The following CUL2 variants were observed in gnomAD, a reference collection of about 807,000 sequenced individuals.
The protein encoded by CUL2 is cullin-2.
CUL2 carries 22 observed loss-of-function variants against 110.2 expected under a neutral mutation model. The observed-to-expected ratio is 0.20, with a 90% CI of 0.14 to 0.28. The LOEUF is 0.28. CUL2 is among the 10% of genes least tolerant of loss of function. CUL2 has a pLI of 1.00. For synonymous variants in CUL2, 279 were observed against 293.2 expected, an observed-to-expected ratio of 0.95 and a Z score of 0.49; for missense variants, 631 against 905.5, an observed-to-expected ratio of 0.70 and a Z score of 3.89.
intron 1 of CUL2, among the ~76,000 whole-genome samples, chr10:35,113,788 C>T (rs542563541): frequency 1.0e-3 from 157 of 151,486 alleles, no homozygotes; most frequent in Non-Finnish European, 1.8e-3. Context: ...CTTGCTGCAA[C>T]CTCTCCCTCC....
intron 8 of CUL2, among the ~76,000 whole-genome samples, chr10:35,040,376 T>A (rs1275653013): frequency 1.3e-5 from 2 of 152,142 alleles, no homozygotes; most frequent in Non-Finnish European, 2.9e-5. Context: ...CACAGACAAA[T>A]GCACCGGCTT....
At chr10:35,073,609 CT>C (rs1233346098) in intron 1 of CUL2, among the ~76,000 whole-genome samples, 1,463 of 136,138 alleles carry the variant, frequency 0.011, 26 homozygotes, top group African/African-American at 0.034. Context: ...TTTTCTTTTT[CT>C]TTTTTTTTTT....
rs771512067 is a variant in CUL2, at chr10:35,031,466, T to G, written c.1299+25A>C. The G allele has an allele frequency of 6.2e-7, 1 of 1,604,024 alleles. No homozygotes were observed. Among genetic ancestry groups the G allele is most frequent in the Non-Finnish European group, 8.5e-7 (1 of 1,174,016 alleles). On this transcript the variant is annotated intron_variant, in intron 13 of 20. Transcript: ENST00000374749. This position sits in a 1 kb window ranked among gnomAD's most constrained non-coding sequence, Gnocchi z 4.4. ...GAAATAAAGTTGACCAAAATACAAATGAAACTTTTCTGTTCACAACATACC... is the reference window on the plus strand; with the variant it reads ...GAAATAAAGTTGACCAAAATACAAAGGAAACTTTTCTGTTCACAACATACC...
At chr10:35,106,550 TCTCAATCTCC>T (rs1299130947) in intron 1 of CUL2, among the ~76,000 whole-genome samples, 1 of 151,496 alleles carries the variant, frequency 6.6e-6, no homozygotes, top group Non-Finnish European at 1.5e-5. Flanking sequence ...GCCAGGATGG[TCTCAATCTCC>T]TGACCTCATG....
Position 35,010,163 on chromosome 10 carries a change from T to C in CUL2, c.*148A>G. 1 of 585,112 alleles carries C rather than the reference T, an allele frequency of 1.7e-6. No individual in the cohort carries two copies. Among genetic ancestry groups the C allele is most frequent in the Non-Finnish European group, 2.6e-6 (1 of 383,516 alleles). The allele number at this position is 585,112 out of a possible 1,614,324, so 36.2% of individuals were successfully genotyped here. On this transcript the variant is annotated 3_prime_UTR_variant, in exon 21 of 21. Transcript: ENST00000374749. The stretch of plus-strand genomic sequence containing the variant: ...CTCTAGGCATTTTCTTTGACGCTCA[T>C]GACGTGGCACTGGTGATGTTGTAAA...
intron 1 of CUL2, among the ~76,000 whole-genome samples, chr10:35,077,293 C>CAAA (rs757497334): frequency 8.4e-6 from 1 of 118,688 alleles, no homozygotes. Context: ...GACTCCGTCT[C>CAAA]AAAAAAAAAA....
intron 6 of CUL2, among the ~76,000 whole-genome samples, chr10:35,046,666 C>A (rs937195106): frequency 2.0e-5 from 3 of 151,974 alleles, no homozygotes; most frequent in Non-Finnish European, 2.9e-5. Context: ...CTGAGGTGGG[C>A]AGATCATCTG....
intron 1 of CUL2, among the ~76,000 whole-genome samples, chr10:35,075,193 C>T (rs987762362): frequency 6.6e-6 from 1 of 152,126 alleles, no homozygotes; most frequent in Non-Finnish European, 1.5e-5. Context: ...GAAGCACCAG[C>T]CTCGTGAAAC....
At chr10:35,115,375 CAT>C (rs771395498) in intron 1 of CUL2, among the ~76,000 whole-genome samples, 13 of 150,766 alleles carry the variant, frequency 8.6e-5, no homozygotes, top group Admixed American at 2.6e-4. Flanking sequence ...GCCTGGCAAA[CAT>C]AATGAAACCC....
chr10:35,125,977 C>T (rs930301002), intron 1 of CUL2, among the ~76,000 whole-genome samples: 4 of 152,262 alleles, frequency 2.6e-5, no homozygotes, highest in African/African-American at 9.6e-5. Flanking sequence ...CTACAGGCGT[C>T]TGCCACCACT....
At chr10:35,120,760 G>T (rs1248741962) in intron 1 of CUL2, among the ~76,000 whole-genome samples, 2 of 152,042 alleles carry the variant, frequency 1.3e-5, no homozygotes, top group Admixed American at 6.6e-5. Flanking sequence ...GCCTGGCATG[G>T]TGATGCACAC....
chr10:35,105,384 C>G (rs1390528901), intron 1 of CUL2, among the ~76,000 whole-genome samples: 1 of 150,178 alleles, frequency 6.7e-6, no homozygotes, highest in Non-Finnish European at 1.5e-5. Context: ...CGAGATGGCG[C>G]CACTGCACTC....
chr10:35,072,228 T>C (rs867279785), intron 1 of CUL2, among the ~76,000 whole-genome samples: 11 of 148,990 alleles, frequency 7.4e-5, no homozygotes, highest in Admixed American at 7.4e-4. Context: ...CTTTTAAGAT[T>C]AAAAAAAAAA....
chr10:35,067,679 G>A (rs182390585), intron 2 of CUL2, among the ~76,000 whole-genome samples: 4 of 151,842 alleles, frequency 2.6e-5, no homozygotes, highest in Admixed American at 6.6e-5. Context: ...AGGAGGGGGA[G>A]GCTGCAGTGA....
chr10:35,062,270 C>T (rs2134929609), intron 3 of CUL2, among the ~76,000 whole-genome samples: 1 of 152,250 alleles, frequency 6.6e-6, no homozygotes, highest in East Asian at 1.9e-4. Flanking sequence ...GCTTCTATCA[C>T]CATTTACCAT....
chr10:35,071,088 T>C (rs1011360141), intron 2 of CUL2, 111 bp downstream of exon 2: 2 of 1,002,168 alleles, frequency 2.0e-6, no homozygotes, highest in African/African-American at 1.6e-5. Flanking sequence ...GATGATAATA[T>C]ATTAGAAAAT....
At chr10:35,100,779 A>T (rs1035643073) in intron 2 of CUL2, 1 of 149,064 alleles carries the variant, frequency 6.7e-6, no homozygotes, top group Non-Finnish European at 1.5e-5. Context: ...AAAAAAAAAA[A>T]AGACCCTACA....
intron 1 of CUL2, among the ~76,000 whole-genome samples, chr10:35,104,182 C>T (rs560825129): frequency 2.6e-5 from 4 of 152,338 alleles, no homozygotes; most frequent in Admixed American, 6.5e-5. Flanking sequence ...CGTAGTGGCT[C>T]ACACCTGTAA....
rs35223623 is a variant in CUL2, at chr10:35,045,545, CAAAAAA to C, written c.507-683_507-678del. On this transcript the variant is annotated intron_variant, in intron 6 of 20. Coordinates refer to ENST00000374749, the MANE Select transcript of CUL2 (RefSeq NM_003591.4). Reference sequence around the variant, plus strand: ...CTGGGCAACATAGCAAGACCCCATACAAAAAAAAAAAAAAAACAACTTAGCTGTGCA... The same window carrying C: ...CTGGGCAACATAGCAAGACCCCATACAAAAAAAAAACAACTTAGCTGTGCA... Among the ~76,000 whole-genome samples the C allele has an allele frequency of 7.9e-5, 7 of 88,506 alleles. No individual in the cohort carries two copies. The Admixed American group carries it at 8.8e-4, about 11-fold the overall frequency. 58.1% of individuals were successfully genotyped at this position (88,506 alleles called of 152,430 possible). A position where few individuals can be genotyped will look rare whatever the true frequency, so the allele number is the denominator to read the frequency against.
Sources: allele counts gnomAD v4.1 joint callset (sites outside exome capture counted in the v4.1 genomes callset), GRCh38; gene constraint gnomAD v4.1.1; non-coding constraint Gnocchi (gnomAD v3.1); transcripts MANE v1.5; gene names NCBI Gene and HGNC (gene_info 2026-07-23, HGNC 2026-07-21).